DNAJC9: variants seen among roughly 807,000 people sequenced by gnomAD.
DNAJC9 encodes DnaJ heat shock protein family (Hsp40) member C9, also known as dnaJ homolog subfamily C member 9.
DNAJC9 carries 18 observed loss-of-function variants against 32.4 expected under a neutral mutation model. The ratio of observed to expected loss-of-function variants is 0.56; its 90% CI spans 0.38 to 0.82. DNAJC9 has a LOEUF of 0.82. DNAJC9 is among the 40% of genes least tolerant of loss of function. The pLI is 0.00. For synonymous variants in DNAJC9, 113 were observed against 122.1 expected (o/e 0.93, Z 0.49); for missense variants, 310 against 321.8 (o/e 0.96, Z 0.28).
rs182282114 is a variant in DNAJC9 at position 73,245,658 on chromosome 10, G to C, written c.576+264C>G. 1.4e-4 allele frequency among the ~76,000 whole-genome samples: 22 copies of C among 152,084 alleles called. No individual in the cohort carries two copies. In the East Asian group the frequency reaches 4.3e-3, roughly 29 times the overall value. On this transcript the variant is annotated intron_variant, in intron 3 of 4. Transcript: ENST00000372950. Reference sequence around the variant, plus strand: ...ATGCCTCAGGAATGCTACAAGAATTGGCCTACATGAAAAAATATTTCAGTG... The same window carrying C: ...ATGCCTCAGGAATGCTACAAGAATTCGCCTACATGAAAAAATATTTCAGTG...
At position 73,245,912 on chromosome 10, in the gene DNAJC9, A is replaced by G; in HGVS notation, c.576+10T>C. ...GTCAAAATATAAATCCACAGTATTC[A>G]AAATCTTACCCTCCTTTTCCTTGCA... On this transcript the variant is annotated intron_variant, in intron 3 of 4. Coordinates refer to ENST00000372950, the MANE Select transcript of DNAJC9 (RefSeq NM_015190.5). 1 of 1,609,780 alleles carries G rather than the reference A, an allele frequency of 6.2e-7. No individual in the cohort carries two copies. The highest frequency in any genetic ancestry group is 8.5e-7 in the Non-Finnish European group (1 of 1,178,872).
chr10:73,242,417 GA>G lies in DNAJC9; in HGVS notation c.*982del, dbSNP rs968013517. 1 of 152,084 alleles carries G rather than the reference GA, an allele frequency of 6.6e-6. No homozygotes were observed. The highest frequency in any genetic ancestry group is 1.5e-5 in the Non-Finnish European group (1 of 68,010). 9.4% of individuals were successfully genotyped at this position (152,084 alleles called of 1,614,324 possible). A position where few individuals can be genotyped will look rare whatever the true frequency, so the allele number is the denominator to read the frequency against. ...ATATGGCTTGCCTTTCAAAGTTAAA[GA>G]ATCAGAAAGGGGCCTGTAAGAAGTC... is the stretch of plus-strand genomic sequence containing the variant. On this transcript the variant is annotated 3_prime_UTR_variant, in exon 5 of 5. Transcript: ENST00000372950.
Position 73,243,876 on chromosome 10 carries a change from A to C in DNAJC9, c.630T>G (p.Asp210Glu). The C allele has an allele frequency of 6.2e-7, 1 of 1,614,184 alleles. No individual in the cohort carries two copies. ...CTGCCTTCAGGCTATCCACGCCTTCATCAAGCCCCAACTCCTTTCTGCTCA... is the reference window on the plus strand; with the variant it reads ...CTGCCTTCAGGCTATCCACGCCTTCCTCAAGCCCCAACTCCTTTCTGCTCA... ...AEMSRKELGL[D>E]EGVDSLKAAI... The change falls in exon 4 of 5, where the codon GAT becomes GAG. Residue 210 changes from aspartate (D) to glutamate (E), a missense_variant. By Grantham distance (45) the Asp-to-Glu change is conservative (BLOSUM62 2). Transcript: ENST00000372950.
intron 3 of DNAJC9, among the ~76,000 whole-genome samples, 196 bp downstream of exon 3, chr10:73,245,726 A>G (rs2043999388): frequency 6.6e-6 from 1 of 152,234 alleles, no homozygotes; most frequent in African/African-American, 2.4e-5. Flanking sequence ...TGCAATAAAA[A>G]TCATCTTGAG....
At chr10:73,232,859 A>T in intron 2 of DNAJC9, 2 of 848,240 alleles carry the variant, frequency 2.4e-6, no homozygotes, top group Non-Finnish European at 3.9e-6. Flanking sequence ...TTTCTAGTCT[A>T]AGGCTTTTTA....
chr10:73,246,189 G>A lies in DNAJC9; in HGVS notation c.322-13C>T. 1 of 1,590,308 alleles carries A rather than the reference G, an allele frequency of 6.3e-7. No homozygotes were observed. The highest frequency in any genetic ancestry group is 8.5e-7 in the Non-Finnish European group (1 of 1,174,558). ...CCTCTAAAGATATCTGATGATAAAGGAGATTTGCTTTAACTTTGGGAATTT... is the reference window on the plus strand; with the variant it reads ...CCTCTAAAGATATCTGATGATAAAGAAGATTTGCTTTAACTTTGGGAATTT... On this transcript the variant is annotated splice_polypyrimidine_tract_variant and intron_variant, in intron 2 of 4. Coordinates refer to ENST00000372950, the MANE Select transcript of DNAJC9 (RefSeq NM_015190.5).
At chr10:73,245,156 T>C (rs547724974) in intron 3 of DNAJC9, among the ~76,000 whole-genome samples, 1 of 152,204 alleles carries the variant, frequency 6.6e-6, no homozygotes, top group African/African-American at 2.4e-5. Context: ...CAGCCTCTTA[T>C]CTAGGCAAAA....
downstream of DNAJC9, chr10:73,234,563 C>T (rs2133408189): frequency 1.2e-5 from 5 of 428,840 alleles, no homozygotes; most frequent in Non-Finnish European, 2.1e-5. Context: ...TGTTTTATTC[C>T]AGTTCTGTGG....
At chr10:73,234,968 T>C (rs1162158772), downstream of DNAJC9, 1 of 1,550,394 alleles carries the variant, frequency 6.4e-7, no homozygotes, top group South Asian at 1.2e-5. Context: ...TGCCTCTCCA[T>C]GTACTTACCA....
chr10:73,240,479 A>G (rs867668465), downstream of DNAJC9, among the ~76,000 whole-genome samples: 34 of 152,288 alleles, frequency 2.2e-4, no homozygotes, highest in Middle Eastern at 3.4e-3. Context: ...TTCGGAGGCC[A>G]AGGCGGGCGG....
rs965156803 is a variant in DNAJC9, at chr10:73,242,410, A to T, written c.*990T>A. ...TGGATCAATATGGCTTGCCTTTCAA[A>T]GTTAAAGAATCAGAAAGGGGCCTGT... On this transcript the variant is annotated 3_prime_UTR_variant, in exon 5 of 5. Transcript: ENST00000372950. 1 of 149,090 alleles carries T rather than the reference A, an allele frequency of 6.7e-6. No individual in the cohort carries two copies. The highest frequency in any genetic ancestry group is 2.5e-5 in the African/African-American group (1 of 39,982). The allele number at this position is 149,090 out of a possible 1,614,324, so 9.2% of individuals were successfully genotyped here.
chr10:73,246,357 AT>A (rs11338543), intron 2 of DNAJC9, among the ~76,000 whole-genome samples, 181 bp from the exon 3 acceptor site: 23,333 of 152,140 alleles, frequency 0.15, 2,925 homozygotes, highest in African/African-American at 0.32. Flanking sequence ...TCCAATCTTC[AT>A]TAACTGCTAA....
Position 73,246,705 on chromosome 10 carries a change from G to C in DNAJC9, c.304C>G (p.Arg102Gly). The C allele has an allele frequency of 6.2e-7, 1 of 1,613,928 alleles. No individual in the cohort carries two copies. Among genetic ancestry groups the C allele is most frequent in the Non-Finnish European group, 8.5e-7 (1 of 1,179,872 alleles). The part of the protein sequence containing the change: ...TQDRDWEAYW[R>G]LLFKKISLED... ...TCCTTTACCTTTTTAAAGAGTAGCCGCCAATACGCCTCCCAGTCTCGGTCT... is the reference window on the plus strand; with the variant it reads ...TCCTTTACCTTTTTAAAGAGTAGCCCCCAATACGCCTCCCAGTCTCGGTCT... Residue 102 changes from arginine to glycine, a missense_variant, in exon 2 of 5, where the codon CGG (arginine) becomes GGG (glycine). Physicochemically the swap from Arg to Gly is moderately radical, Grantham distance 125 (BLOSUM62 -2). Coordinates refer to ENST00000372950, the MANE Select transcript of DNAJC9 (RefSeq NM_015190.5).
At chr10:73,236,212 CA>C (rs35239162), downstream of DNAJC9, among the ~76,000 whole-genome samples, 15,955 of 152,134 alleles carry the variant, frequency 0.1, 1,209 homozygotes, top group East Asian at 0.31. Flanking sequence ...AAGAAATGAC[CA>C]AACAACTGGG....
chr10:73,246,381 G>A (rs7905820), intron 2 of DNAJC9, among the ~76,000 whole-genome samples: 149 of 152,218 alleles, frequency 9.8e-4, no homozygotes, highest in African/African-American at 3.4e-3. Context: ...AGGGACCAGG[G>A]AAGGGAAATT....
At chr10:73,246,946 G>A (rs780520808) in intron 1 of DNAJC9, 64 bp downstream of exon 1, 11 of 1,566,306 alleles carry the variant, frequency 7.0e-6, no homozygotes, top group African/African-American at 1.4e-5. Context: ...GGCGGGGCCC[G>A]GTAGCCAAAA....
chr10:73,240,049 C>T (rs1443779803), downstream of DNAJC9, among the ~76,000 whole-genome samples: 1 of 152,104 alleles, frequency 6.6e-6, no homozygotes, highest in Non-Finnish European at 1.5e-5. Context: ...CTAAGCCTCC[C>T]ACATAGCTAG....
downstream of DNAJC9, among the ~76,000 whole-genome samples, chr10:73,237,196 A>C (rs914871112): frequency 1.3e-5 from 2 of 152,154 alleles, no homozygotes; most frequent in South Asian, 2.1e-4. Flanking sequence ...GGTGGACATA[A>C]ATTTTGAGGG....
At chr10:73,234,885 C>G (rs1363926858), downstream of DNAJC9, 1 of 1,551,832 alleles carries the variant, frequency 6.4e-7, no homozygotes, top group Non-Finnish European at 8.7e-7. Context: ...CTGCTACCAC[C>G]TATTGGCACA....
Sources: allele counts gnomAD v4.1 joint callset (sites outside exome capture counted in the v4.1 genomes callset), GRCh38; gene constraint gnomAD v4.1.1; transcripts MANE v1.5; gene names NCBI Gene and HGNC (gene_info 2026-07-23, HGNC 2026-07-21).